The following CARMIL1 variants were observed in gnomAD, a reference collection of about 807,000 sequenced individuals.
CARMIL1 encodes capping protein regulator and myosin 1 linker 1, also known as F-actin-uncapping protein LRRC16A.
CARMIL1 carries 90 observed loss-of-function variants against 177.1 expected under a neutral mutation model. The ratio of observed to expected loss-of-function variants is 0.51; its 90% CI spans 0.43 to 0.61. CARMIL1 has a LOEUF of 0.61. Among genes scored for constraint, CARMIL1 ranks in the 20% least tolerant of loss-of-function variants. The pLI, the probability that CARMIL1 is intolerant of heterozygous loss-of-function variation, is 0.00. For missense variants in CARMIL1, 1,380 were observed against 1,667.0 expected (o/e 0.83, Z 3.00); for synonymous variants, 577 against 606.2 (o/e 0.95, Z 0.71).
At chr6:25,356,119 A>G (rs1030828370) in intron 2 of CARMIL1, among the ~76,000 whole-genome samples, 1 of 147,844 alleles carries the variant, frequency 6.8e-6, no homozygotes, top group Non-Finnish European at 1.5e-5. Context: ...CTGCAGTGGC[A>G]CAATCTCGGC....
intron 12 of CARMIL1, among the ~76,000 whole-genome samples, chr6:25,483,122 A>G (rs1240448899): frequency 1.3e-5 from 2 of 152,238 alleles, no homozygotes; most frequent in African/African-American, 4.8e-5. Flanking sequence ...ACATTATTGC[A>G]TAAATATTGT....
intron 2 of CARMIL1, among the ~76,000 whole-genome samples, chr6:25,288,028 A>G (rs1236211809): frequency 1.3e-5 from 2 of 152,174 alleles, no homozygotes; most frequent in Non-Finnish European, 2.9e-5. Flanking sequence ...GTAGCCAGGC[A>G]GTGGTTTCAG....
intron 5 of CARMIL1, among the ~76,000 whole-genome samples, chr6:25,443,184 T>C (rs1391806992): frequency 6.6e-6 from 1 of 152,242 alleles, no homozygotes; most frequent in Non-Finnish European, 1.5e-5. Flanking sequence ...TTGAGTTGAA[T>C]AATGGCTGTG....
At chr6:25,459,476 T>A (rs1260773690) in intron 8 of CARMIL1, among the ~76,000 whole-genome samples, 1 of 151,730 alleles carries the variant, frequency 6.6e-6, no homozygotes, top group Non-Finnish European at 1.5e-5. Flanking sequence ...GGTCATGAAC[T>A]CCTGGGCAAA....
intron 24 of CARMIL1, among the ~76,000 whole-genome samples, chr6:25,529,638 A>G (rs1807519452): frequency 6.6e-6 from 1 of 151,572 alleles, no homozygotes; most frequent in Non-Finnish European, 1.5e-5. Context: ...ATACATCCAT[A>G]AAATAAGAAT....
intron 2 of CARMIL1, among the ~76,000 whole-genome samples, chr6:25,313,850 T>C (rs1784046740): frequency 6.6e-6 from 1 of 151,280 alleles, no homozygotes; most frequent in African/African-American, 2.4e-5. Context: ...CTTCTCAGAG[T>C]GGGCATGAGA....
Position 25,279,544 on chromosome 6 carries a change from C to G in CARMIL1, c.-252C>G. ...CTTGTAATCCGGTCCGCTCCTTATT[C>G]AGCCGCCGGGAACTGCGAGGAGGCG... On this transcript the variant is annotated 5_prime_UTR_variant, in exon 1 of 37. Transcript: ENST00000329474. 1 of 567,624 alleles carries G rather than the reference C, an allele frequency of 1.8e-6. No homozygotes were observed. The allele number at this position is 567,624 out of a possible 1,614,324, so 35.2% of individuals were successfully genotyped here. A position where few individuals can be genotyped will look rare whatever the true frequency, so the allele number is the denominator to read the frequency against.
chr6:25,363,057 G>C (rs1224542894), intron 2 of CARMIL1, among the ~76,000 whole-genome samples: 1 of 152,012 alleles, frequency 6.6e-6, no homozygotes, highest in African/African-American at 2.4e-5. Flanking sequence ...AGAAAAGAAA[G>C]AAAGAAAGCA....
At chr6:25,594,210 T>A (rs1814595665) in intron 31 of CARMIL1, among the ~76,000 whole-genome samples, 1 of 152,188 alleles carries the variant, frequency 6.6e-6, no homozygotes, top group African/African-American at 2.4e-5. Flanking sequence ...CAAGGCATGG[T>A]GTTTATCGTG....
At chr6:25,439,274 C>T (rs1797509599) in intron 5 of CARMIL1, among the ~76,000 whole-genome samples, 1 of 152,148 alleles carries the variant, frequency 6.6e-6, no homozygotes. Context: ...TAGACCTCTC[C>T]TCCAAGCTCC....
intron 2 of CARMIL1, among the ~76,000 whole-genome samples, chr6:25,346,378 T>A (rs1345348863): frequency 6.6e-6 from 1 of 152,148 alleles, no homozygotes; most frequent in Non-Finnish European, 1.5e-5. Flanking sequence ...TTCCTGTCCT[T>A]TATCCATGTC....
intron 29 of CARMIL1, among the ~76,000 whole-genome samples, chr6:25,564,216 A>G (rs1811365823): frequency 1.3e-5 from 2 of 152,168 alleles, no homozygotes; most frequent in Admixed American, 1.3e-4. Flanking sequence ...CTTTCTCAAA[A>G]TATTAGCCAC....
intron 20 of CARMIL1, among the ~76,000 whole-genome samples, chr6:25,514,637 T>G (rs1314595561): frequency 6.6e-6 from 1 of 150,930 alleles, no homozygotes; most frequent in Admixed American, 6.6e-5. Flanking sequence ...CAGATAAAGT[T>G]AAGGCTGAGT....
In CARMIL1 at chr6:25,558,286, G is replaced by T. The variant is rs1402346916; in HGVS notation, c.2742+1436G>T. Among the ~76,000 whole-genome samples the T allele has an allele frequency of 1.3e-5, 2 of 152,094 alleles. No homozygotes were observed. Among genetic ancestry groups the T allele is most frequent in the Non-Finnish European group, 2.9e-5 (2 of 68,016 alleles). On this transcript the variant is annotated intron_variant, in intron 29 of 36. Coordinates refer to ENST00000329474, the MANE Select transcript of CARMIL1 (RefSeq NM_017640.6). The surrounding 1 kb of genome is among the most constrained non-coding windows in gnomAD (Gnocchi z 4.1). Reference sequence around the variant, plus strand: ...TTTGGTCATGTGTAAATTGGAAAAGGGTGAAGGAAAAAACAAGCTAGTAAA... The same window carrying T: ...TTTGGTCATGTGTAAATTGGAAAAGTGTGAAGGAAAAAACAAGCTAGTAAA...
chr6:25,495,118 A>G lies in CARMIL1; in HGVS notation c.1228A>G (p.Lys410Glu). The change falls in exon 16 of 37, where the codon AAA (lysine) becomes GAA (glutamate). Residue 410 changes from lysine to glutamate, a missense_variant. Transcript: ENST00000329474. ...CTCTTGTGTTTTTTTCAGGAAAGGA[A>G]AAGAAGTACCTCCATCTTTCAAGCA... The part of the protein sequence containing the change: ...SRTVFSHRKG[K>E]EVPPSFKQFF... 1.2e-6 allele frequency: 2 copies of G among 1,608,650 alleles called. No homozygotes were observed. The highest frequency in any genetic ancestry group is 1.7e-6 in the Non-Finnish European group (2 of 1,175,982).
intron 31 of CARMIL1, among the ~76,000 whole-genome samples, chr6:25,589,555 T>C (rs903133109): frequency 1.3e-5 from 2 of 152,172 alleles, no homozygotes; most frequent in African/African-American, 4.8e-5. Flanking sequence ...TGGTGCGATC[T>C]CAGTTCACTA....
chr6:25,467,174 G>C (rs927081563), intron 9 of CARMIL1, among the ~76,000 whole-genome samples: 1 of 152,234 alleles, frequency 6.6e-6, no homozygotes, highest in African/African-American at 2.4e-5. Context: ...TTGTGTCTGA[G>C]AAGTGATGAT....
At chr6:25,343,138 G>A (rs985728255) in intron 2 of CARMIL1, among the ~76,000 whole-genome samples, 5 of 152,192 alleles carry the variant, frequency 3.3e-5, no homozygotes, top group African/African-American at 1.2e-4. Context: ...AGTGACCAGT[G>A]CATCACTCTA....
chr6:25,429,648 A>G (rs1180049153), intron 4 of CARMIL1, among the ~76,000 whole-genome samples: 1 of 151,998 alleles, frequency 6.6e-6, no homozygotes, highest in East Asian at 1.9e-4. Context: ...GTTTCTTTCT[A>G]TTTTTAGTTT....
Sources: gnomAD v4.1 joint callset for allele counts (sites outside exome capture counted in the v4.1 genomes callset) on GRCh38, gnomAD v4.1.1 for gene constraint, Gnocchi (gnomAD v3.1) non-coding constraint, MANE v1.5 for transcripts, NCBI Gene and HGNC (gene_info 2026-07-23, HGNC 2026-07-21) for gene names.